The following AMPH variants were observed in gnomAD, a reference collection of about 807,000 sequenced individuals.
The protein encoded by AMPH is amphiphysin (Stiff-Mann syndrome with breast cancer 128kD autoantigen).
In AMPH, 49 loss-of-function variants were observed where a neutral mutation model predicts 99.1. The ratio of observed to expected loss-of-function variants is 0.49; its 90% CI spans 0.39 to 0.63. AMPH has a LOEUF of 0.63. Among genes scored for constraint, AMPH ranks in the 20% least tolerant of loss-of-function variants. The pLI is 0.00. For missense variants in AMPH, 759 were observed against 863.4 expected, an observed-to-expected ratio of 0.88 and a Z score of 1.52; for synonymous variants, 314 against 317.3, an observed-to-expected ratio of 0.99 and a Z score of 0.11.
chr7:38,438,726 C>T (rs951465155), intron 11 of AMPH, among the ~76,000 whole-genome samples: 6 of 152,152 alleles, frequency 3.9e-5, no homozygotes, highest in African/African-American at 9.7e-5. Flanking sequence ...CTAGCTGTCT[C>T]TCCCTGGCCA....
chr7:38,444,781 A>C lies in AMPH; in HGVS notation c.1018-8393T>G, dbSNP rs568777905. The stretch of plus-strand genomic sequence containing the variant: ...AGGAAATAATACAATATCAACTTAC[A>C]GTTGATTCTGAAGTTCATATGGAAA... On this transcript the variant is annotated intron_variant, in intron 11 of 20. Coordinates refer to ENST00000356264, the MANE Select transcript of AMPH (RefSeq NM_001635.4). 3.9e-3 allele frequency among the ~76,000 whole-genome samples: 591 copies of C among 152,084 alleles called. 4 individuals are homozygous for C. The highest frequency in any genetic ancestry group is 6.7e-3 in the Non-Finnish European group (456 of 67,990).
chr7:38,606,566 C>CTTTTTTT (rs56934636), intron 1 of AMPH, among the ~76,000 whole-genome samples: 3 of 97,276 alleles, frequency 3.1e-5, no homozygotes, highest in Non-Finnish European at 5.8e-5. Flanking sequence ...ACGTCATTCT[C>CTTTTTTT]TTTTTTTTTT....
intron 1 of AMPH, among the ~76,000 whole-genome samples, chr7:38,603,385 T>C (rs1056166452): frequency 2.7e-5 from 4 of 148,492 alleles, no homozygotes; most frequent in African/African-American, 1.0e-4. Context: ...CACATAAAAA[T>C]CACATTAAGA....
intron 1 of AMPH, among the ~76,000 whole-genome samples, chr7:38,577,765 G>A (rs1792300604): frequency 6.6e-6 from 1 of 151,410 alleles, no homozygotes. Flanking sequence ...AAAAAGGAAG[G>A]AAGGGAGAGA....
chr7:38,407,176 A>G (rs1785062062), intron 17 of AMPH, among the ~76,000 whole-genome samples: 1 of 142,700 alleles, frequency 7.0e-6, no homozygotes, highest in African/African-American at 2.6e-5. Flanking sequence ...CTATCTATCT[A>G]GCATCCAGCA....
intron 15 of AMPH, among the ~76,000 whole-genome samples, chr7:38,425,753 C>T (rs942771329): frequency 5.9e-5 from 9 of 152,144 alleles, no homozygotes; most frequent in African/African-American, 2.2e-4. Flanking sequence ...GAAACCCATG[C>T]ACACATATAG....
intron 1 of AMPH, among the ~76,000 whole-genome samples, chr7:38,623,513 C>A (rs1794139411): frequency 6.6e-6 from 1 of 152,064 alleles, no homozygotes; most frequent in Non-Finnish European, 1.5e-5. Flanking sequence ...GAGAAAATAA[C>A]CCTAGTGGAA....
In AMPH at chr7:38,491,131, C is replaced by A; in HGVS notation, c.315G>T (p.Leu105=). 6.2e-7 allele frequency: 1 copy of A among 1,611,584 alleles called. No individual in the cohort carries two copies. The highest frequency in any genetic ancestry group is 1.1e-5 in the South Asian group (1 of 91,012). ...VKMVGEKCDV[L]WEDFHQKLVD... ...CGAGTTTTTGATGGAAGTCTTCCCACAGCACATCACATTTCTAAAAGAAAT... is the reference window on the plus strand; with the variant it reads ...CGAGTTTTTGATGGAAGTCTTCCCAAAGCACATCACATTTCTAAAAGAAAT... The change falls in exon 5 of 21, where the codon CTG becomes CTT. Residue 105 remains leucine, a synonymous_variant. Coordinates refer to ENST00000356264, the MANE Select transcript of AMPH (RefSeq NM_001635.4).
At chr7:38,609,421 G>T (rs904337293) in intron 1 of AMPH, among the ~76,000 whole-genome samples, 7 of 152,140 alleles carry the variant, frequency 4.6e-5, no homozygotes, top group African/African-American at 1.7e-4. Context: ...CCCAAACTCA[G>T]CCACAGTGAC....
chr7:38,433,771 G>A (rs1032182364), intron 12 of AMPH, among the ~76,000 whole-genome samples: 2 of 148,866 alleles, frequency 1.3e-5, no homozygotes, highest in African/African-American at 5.0e-5. Flanking sequence ...AAAAGCTAGT[G>A]CATGTCTCTG....
At position 38,497,803 on chromosome 7, in the gene AMPH, C is replaced by A. The variant is rs865792977; in HGVS notation, c.206-3276G>T. ...TTCTTAAGGAGAGCAAGGATGGGAACAAGAGTTGGAATAAAATAGGCAGTT... is the reference window on the plus strand; with the variant it reads ...TTCTTAAGGAGAGCAAGGATGGGAAAAAGAGTTGGAATAAAATAGGCAGTT... On this transcript the variant is annotated intron_variant, in intron 3 of 20. Transcript: ENST00000356264. Among the ~76,000 whole-genome samples, 13 of 152,252 alleles carry A rather than the reference C, an allele frequency of 8.5e-5. No homozygotes were observed. In the Middle Eastern group the frequency reaches 0.01, roughly 120 times the overall value.
chr7:38,431,885 A>C (rs1786042993), intron 13 of AMPH, among the ~76,000 whole-genome samples: 1 of 152,024 alleles, frequency 6.6e-6, no homozygotes, highest in African/African-American at 2.4e-5. Flanking sequence ...TGTGTCCTTC[A>C]CTGCAACAGC....
At chr7:38,499,865 G>A (rs945779960) in intron 3 of AMPH, among the ~76,000 whole-genome samples, 1 of 152,148 alleles carries the variant, frequency 6.6e-6, no homozygotes, top group Non-Finnish European at 1.5e-5. Context: ...AGTCTCATGA[G>A]ATCTGATGGT....
At chr7:38,522,281 T>A (rs3807401) in intron 2 of AMPH, among the ~76,000 whole-genome samples, 15,898 of 152,278 alleles carry the variant, frequency 0.1, 1,225 homozygotes, top group East Asian at 0.28. Flanking sequence ...TTAATAATGC[T>A]TATCCTTTAG....
chr7:38,490,245 T>A (rs1022252792), intron 5 of AMPH, among the ~76,000 whole-genome samples: 15 of 152,190 alleles, frequency 9.9e-5, no homozygotes, highest in African/African-American at 3.6e-4. Flanking sequence ...CCCAACTACT[T>A]AGTAAAGCAC....
At chr7:38,407,084 G>A (rs1009152834) in intron 17 of AMPH, among the ~76,000 whole-genome samples, 5,040 of 30,844 alleles carry the variant, frequency 0.16, 320 homozygotes, top group Non-Finnish European at 0.2. Context: ...ATATGTGTGT[G>A]TGTGTGTGTG....
intron 1 of AMPH, among the ~76,000 whole-genome samples, chr7:38,625,943 C>A (rs887960520): frequency 1.3e-5 from 2 of 151,998 alleles, no homozygotes; most frequent in African/African-American, 4.8e-5. Flanking sequence ...AAAATGTAAT[C>A]TTTTGCAATA....
chr7:38,473,087 A>G (rs988358402), intron 7 of AMPH, among the ~76,000 whole-genome samples: 1 of 152,212 alleles, frequency 6.6e-6, no homozygotes, highest in African/African-American at 2.4e-5. Flanking sequence ...CAATTTCCCC[A>G]AAGTTTCATA....
At chr7:38,439,171 T>C (rs1584092736) in intron 11 of AMPH, among the ~76,000 whole-genome samples, 2 of 152,344 alleles carry the variant, frequency 1.3e-5, no homozygotes, top group African/African-American at 4.8e-5. Context: ...ATTGAAAGTT[T>C]CCAGAGGCCT....
Sources: allele counts gnomAD v4.1 joint callset (sites outside exome capture counted in the v4.1 genomes callset), GRCh38; gene constraint gnomAD v4.1.1; transcripts MANE v1.5; gene names NCBI Gene and HGNC (gene_info 2026-07-23, HGNC 2026-07-21).